Variants in OR5T1 observed in about 807,000 individuals in gnomAD.
OR5T1 encodes the protein olfactory receptor 5T1.
In OR5T1, 14 loss-of-function variants were observed where a neutral mutation model predicts 10.1. That is an observed-to-expected ratio of 1.39 (90% CI 0.92 to 2.18). OR5T1 has a LOEUF of 2.18. Ranked by LOEUF, OR5T1 falls within the 30% of genes most tolerant of loss-of-function variation. The pLI is 0.00. For synonymous variants in OR5T1, 166 were observed against 141.2 expected, an observed-to-expected ratio of 1.18 and a Z score of -1.24; for missense variants, 461 against 383.9, an observed-to-expected ratio of 1.20 and a Z score of -1.68.
chr11:56,274,586 T>C (rs1251321260), intron 1 of OR5T1, 50 bp from the exon 2 acceptor site: 1 of 152,052 alleles, frequency 6.6e-6, no homozygotes, highest in African/African-American at 2.4e-5. Flanking sequence ...TAATAATGCT[T>C]AAAAAAACTG....
At chr11:56,275,454 T>C in intron 2 of OR5T1, 32 bp from the exon 3 acceptor site, 1 of 460,762 alleles carries the variant, frequency 2.2e-6, no homozygotes, top group East Asian at 3.4e-5. Context: ...CATGATTGAA[T>C]AAAATAATTT....
rs754348721 is a variant in OR5T1 at position 56,275,665 on chromosome 11, T to C, written c.27T>C (p.Asp9=). 1 of 1,599,234 alleles carries C rather than the reference T, an allele frequency of 6.3e-7. No individual in the cohort carries two copies. Among genetic ancestry groups the C allele is most frequent in the East Asian group, 2.2e-5 (1 of 44,786 alleles). MSGLPSDM[D]LYKLQLNNFT... ...TGTCAGGGTTGCCTTCAGATATGGA[T>C]CTATACAAGCTTCAATTAAACAATT... Residue 9 remains aspartate (D), a synonymous_variant, in exon 3 of 3, where the codon GAT becomes GAC. Transcript: ENST00000641665.
chr11:56,275,356 C>T (rs979670667), intron 2 of OR5T1, 130 bp from the exon 3 acceptor site: 1 of 265,866 alleles, frequency 3.8e-6, no homozygotes, highest in Non-Finnish European at 6.9e-6. Flanking sequence ...CGTGTGAGAA[C>T]ATGCGGTGTT....
chr11:56,275,825 G>A lies in OR5T1; in HGVS notation c.187G>A (p.Gly63Arg), dbSNP rs1853930632. The change falls in exon 3 of 3, where the codon GGG becomes AGG. Residue 63 changes from glycine to arginine, a missense_variant. Coordinates refer to ENST00000641665, the MANE Select transcript of OR5T1 (RefSeq NM_001004745.2). Reference protein sequence around the residue: ...GNLGLVVPIIGDFWLHSPMYY... With the variant: ...GNLGLVVPIIRDFWLHSPMYY... ...TTTAGGGCTGGTTGTACCGATCATT[G>A]GGGATTTCTGGCTTCACAGCCCAAT... 1.9e-6 allele frequency: 3 copies of A among 1,613,446 alleles called. No homozygotes were observed. Among genetic ancestry groups the A allele is most frequent in the African/African-American group, 1.3e-5 (1 of 75,000 alleles).
chr11:56,276,648 T>C lies in OR5T1; in HGVS notation c.*29T>C. ...TAAAATTGAGTAAAGTTGCAAATAA[T>C]ATTGGGTGTCAGTCCACATCTCTAT... On this transcript the variant is annotated 3_prime_UTR_variant, in exon 3 of 3. Transcript: ENST00000641665. 1 of 1,530,400 alleles carries C rather than the reference T, an allele frequency of 6.5e-7. No individual in the cohort carries two copies. Among genetic ancestry groups the C allele is most frequent in the Non-Finnish European group, 8.9e-7 (1 of 1,119,236 alleles). The allele number at this position is 1,530,400 out of a possible 1,614,324, so 94.8% of individuals were successfully genotyped here.
At chr11:56,274,433 G>T (rs1170198802) in intron 1 of OR5T1, among the ~76,000 whole-genome samples, 4 of 152,014 alleles carry the variant, frequency 2.6e-5, no homozygotes, top group Non-Finnish European at 5.9e-5. Context: ...AGTTACGTAA[G>T]AATCATAGTA....
In OR5T1 at chr11:56,275,504, C is replaced by T; in HGVS notation, c.-135C>T. ...ATTACAGTAATGTATCCACTTGGACCCAATTTTATCACCACCTGTGCATTT... is the reference window on the plus strand; with the variant it reads ...ATTACAGTAATGTATCCACTTGGACTCAATTTTATCACCACCTGTGCATTT... On this transcript the variant is annotated 5_prime_UTR_variant, in exon 3 of 3. Coordinates refer to ENST00000641665, the MANE Select transcript of OR5T1 (RefSeq NM_001004745.2). 3.2e-6 allele frequency: 2 copies of T among 625,048 alleles called. No individual in the cohort carries two copies. Among genetic ancestry groups the T allele is most frequent in the Non-Finnish European group, 5.6e-6 (2 of 358,324 alleles). The allele number at this position is 625,048 out of a possible 1,614,324, so 38.7% of individuals were successfully genotyped here. A position where few individuals can be genotyped will look rare whatever the true frequency, so the allele number is the denominator to read the frequency against.
Position 56,275,858 on chromosome 11 carries a change from T to A in OR5T1, c.220T>A (p.Phe74Ile). 1 of 1,614,198 alleles carries A rather than the reference T, an allele frequency of 6.2e-7. No homozygotes were observed. The highest frequency in any genetic ancestry group is 8.5e-7 in the Non-Finnish European group (1 of 1,180,018). The change falls in exon 3 of 3, where the codon TTT (phenylalanine) becomes ATT (isoleucine). Residue 74 changes from phenylalanine to isoleucine, a missense_variant. Transcript: ENST00000641665. ...DFWLHSPMYY[F>I]LGVLSFLDVC... ...CTGGCTTCACAGCCCAATGTACTAT[T>A]TTCTTGGTGTTTTATCATTCTTGGA...
Position 56,275,924 on chromosome 11 carries a change from A to G in OR5T1, c.286A>G (p.Asn96Asp), listed in dbSNP as rs1289102793. 8.7e-6 allele frequency: 14 copies of G among 1,614,164 alleles called. No homozygotes were observed. The highest frequency in any genetic ancestry group is 1.1e-5 in the Non-Finnish European group (13 of 1,180,032). Residue 96 changes from asparagine (N) to aspartate (D), a missense_variant, in exon 3 of 3, where the codon AAT becomes GAT. Asn to Asp is a conservative substitution (Grantham distance 23). Transcript: ENST00000641665. ...AGTTGTCACTCCAAAAATGTTGGTC[A>G]ATTTCCTGGCAAAAAATAAATCTAT... ...STVVTPKMLV[N>D]FLAKNKSISF...
chr11:56,275,961 G>A lies in OR5T1; in HGVS notation c.323G>A (p.Gly108Glu), dbSNP rs1853933551. The A allele has an allele frequency of 6.2e-7, 1 of 1,613,992 alleles. No individual in the cohort carries two copies. The highest frequency in any genetic ancestry group is 8.5e-7 in the Non-Finnish European group (1 of 1,180,030). The change falls in exon 3 of 3, where the codon GGA becomes GAA. Residue 108 changes from glycine to glutamate, a missense_variant. Transcript: ENST00000641665. ...AAAAATAAATCTATTTCATTTCTTGGATGTGCAACACAGATGTTTCTTGCT... is the reference window on the plus strand; with the variant it reads ...AAAAATAAATCTATTTCATTTCTTGAATGTGCAACACAGATGTTTCTTGCT... ...LAKNKSISFL[G>E]CATQMFLACT...
In OR5T1 at chr11:56,276,311, A is replaced by T. The variant is rs377200566; in HGVS notation, c.673A>T (p.Ile225Phe). ...CTCTATTGAGATAGTCACTATCCTG[A>T]TTGTCCTGATCTCCTATGGTTTTAT... ...VGSIEIVTIL[I>F]VLISYGFILL... Residue 225 changes from isoleucine (I) to phenylalanine (F), a missense_variant, in exon 3 of 3, where the codon ATT becomes TTT. Physicochemically the swap from Ile to Phe is conservative, Grantham distance 21. Transcript: ENST00000641665. 4.3e-6 allele frequency: 7 copies of T among 1,613,862 alleles called. No individual in the cohort carries two copies. The highest frequency in any genetic ancestry group is 5.9e-6 in the Non-Finnish European group (7 of 1,179,960).
Position 56,276,594 on chromosome 11 carries a change from G to T in OR5T1, c.956G>T (p.Arg319Ile). 1 of 1,610,110 alleles carries T rather than the reference G, an allele frequency of 6.2e-7. No homozygotes were observed. The highest frequency in any genetic ancestry group is 8.5e-7 in the Non-Finnish European group (1 of 1,177,926). The change falls in exon 3 of 3, where the codon AGA (arginine) becomes ATA (isoleucine). Residue 319 changes from arginine to isoleucine, a missense_variant. By Grantham distance (97) the Arg-to-Ile change is moderately conservative. Coordinates refer to ENST00000641665, the MANE Select transcript of OR5T1 (RefSeq NM_001004745.2). ...GAGGCAATCAAAAGATTGCTTGTGAGAAATTGGTTCATAAATAAGTTATAG... is the reference window on the plus strand; with the variant it reads ...GAGGCAATCAAAAGATTGCTTGTGATAAATTGGTTCATAAATAAGTTATAG... ...VKEAIKRLLV[R>I]NWFINKL
In OR5T1 at chr11:56,276,039, G is replaced by A. The variant is rs569178244; in HGVS notation, c.401G>A (p.Arg134His). ...CTCTTGGCTGCAATGGCTTATGATC[G>A]CTATGTAGCCATCTACAACCCTCTC... ...CFLLAAMAYD[R>H]YVAIYNPLLY... Residue 134 changes from arginine (R) to histidine (H), a missense_variant, in exon 3 of 3, where the codon CGC becomes CAC. Arg to His is a conservative substitution (Grantham distance 29). Transcript: ENST00000641665. 210 of 1,614,126 alleles carry A rather than the reference G, an allele frequency of 1.3e-4. 1 individual carries two copies. Among genetic ancestry groups the A allele is most frequent in the Admixed American group, 8.2e-4 (49 of 60,020 alleles).
rs1355609719 is a variant in OR5T1, at chr11:56,275,838, T to C, written c.200T>C (p.Leu67Pro). 6.2e-7 allele frequency: 1 copy of C among 1,614,030 alleles called. No homozygotes were observed. The highest frequency in any genetic ancestry group is 8.5e-7 in the Non-Finnish European group (1 of 1,179,862). ...LVVPIIGDFW[L>P]HSPMYYFLGV... The stretch of plus-strand genomic sequence containing the variant: ...GTACCGATCATTGGGGATTTCTGGC[T>C]TCACAGCCCAATGTACTATTTTCTT... The change falls in exon 3 of 3, where the codon CTT becomes CCT. Residue 67 changes from leucine to proline, a missense_variant. By Grantham distance (98) the Leu-to-Pro change is moderately conservative (BLOSUM62 -3). Transcript: ENST00000641665.
In OR5T1 at chr11:56,276,499, A is replaced by G. The variant is rs1455142695; in HGVS notation, c.861A>G (p.Ser287=). The stretch of plus-strand genomic sequence containing the variant: ...CTTCGGACAATGACATGATAGTGTC[A>G]ATATTTTATACCATTGTGATTCCCA... ...SYTSDNDMIV[S]IFYTIVIPML... is the part of the protein sequence containing the mutation. Residue 287 remains serine (S), a synonymous_variant, in exon 3 of 3, where the codon TCA becomes TCG. Coordinates refer to ENST00000641665, the MANE Select transcript of OR5T1 (RefSeq NM_001004745.2). The G allele has an allele frequency of 1.2e-6, 2 of 1,614,056 alleles. No individual in the cohort carries two copies. Among genetic ancestry groups the G allele is most frequent in the Admixed American group, 3.3e-5 (2 of 60,020 alleles).
chr11:56,275,651 C>A lies in OR5T1; in HGVS notation c.13C>A (p.Pro5Thr). The change falls in exon 3 of 3, where the codon CCT becomes ACT. Residue 5 changes from proline to threonine, a missense_variant. By Grantham distance (38) the Pro-to-Thr change is conservative. Coordinates refer to ENST00000641665, the MANE Select transcript of OR5T1 (RefSeq NM_001004745.2). MSGL[P>T]SDMDLYKLQL... ...AACAATAGCTAAAATGTCAGGGTTG[C>A]CTTCAGATATGGATCTATACAAGCT... 1 of 1,570,024 alleles carries A rather than the reference C, an allele frequency of 6.4e-7. No homozygotes were observed. The highest frequency in any genetic ancestry group is 8.6e-7 in the Non-Finnish European group (1 of 1,162,786).
At chr11:56,275,138 A>T (rs1170700266) in intron 2 of OR5T1, among the ~76,000 whole-genome samples, 1 of 152,206 alleles carries the variant, frequency 6.6e-6, no homozygotes, top group African/African-American at 2.4e-5. Context: ...TTTACACTTT[A>T]AGTTCTGGGG....
rs751646022 is a variant in OR5T1 at position 56,275,895 on chromosome 11, C to G, written c.257C>G (p.Ser86Cys). ...GVLSFLDVCYSTVVTPKMLVN... is the reference protein window; with the variant it reads ...GVLSFLDVCYCTVVTPKMLVN... The stretch of plus-strand genomic sequence containing the variant: ...TTATCATTCTTGGATGTCTGCTATT[C>G]TACAGTTGTCACTCCAAAAATGTTG... Residue 86 changes from serine (S) to cysteine (C), a missense_variant, in exon 3 of 3, where the codon TCT becomes TGT. Ser to Cys is a moderately radical substitution (Grantham distance 112). Coordinates refer to ENST00000641665, the MANE Select transcript of OR5T1 (RefSeq NM_001004745.2). 6.2e-7 allele frequency: 1 copy of G among 1,614,148 alleles called. No individual in the cohort carries two copies. Among genetic ancestry groups the G allele is most frequent in the East Asian group, 2.2e-5 (1 of 44,872 alleles).
At position 56,276,556 on chromosome 11, in the gene OR5T1, C is replaced by G; in HGVS notation, c.918C>G (p.Asn306Lys). The G allele has an allele frequency of 6.2e-7, 1 of 1,613,082 alleles. No homozygotes were observed. Residue 306 changes from asparagine to lysine, a missense_variant, in exon 3 of 3, where the codon AAC becomes AAG. By Grantham distance (94) the Asn-to-Lys change is moderately conservative. Transcript: ENST00000641665. ...ATCCCATCATCTACAGTTTGCGGAA[C>G]AAAGATGTAAAGGAGGCAATCAAAA... ...MLNPIIYSLRNKDVKEAIKRL... is the reference protein window; with the variant it reads ...MLNPIIYSLRKKDVKEAIKRL...
Sources: allele counts gnomAD v4.1 joint callset (sites outside exome capture counted in the v4.1 genomes callset), GRCh38; gene constraint gnomAD v4.1.1; transcripts MANE v1.5; gene names NCBI Gene and HGNC (gene_info 2026-07-23, HGNC 2026-07-21).